Variants in NSRP1 observed in about 807,000 individuals in gnomAD.
NSRP1 encodes coiled-coil domain containing 55.
Under a neutral mutation model 54.7 loss-of-function variants are expected in NSRP1, and 24 were observed. The observed-to-expected ratio is 0.44, with a 90% CI of 0.32 to 0.62. The LOEUF (loss-of-function observed/expected upper bound fraction) is 0.62, where lower values mean the gene tolerates loss of function less well. Among genes scored for constraint, NSRP1 ranks in the 20% least tolerant of loss-of-function variants. The pLI, the probability that NSRP1 is intolerant of heterozygous loss-of-function variation, is 0.06. For synonymous variants in NSRP1, 210 were observed against 213.8 expected (o/e 0.98, Z 0.15); for missense variants, 596 against 651.2 (o/e 0.92, Z 0.92).
At chr17:30,155,805 A>G (rs2071956449) in intron 2 of NSRP1, among the ~76,000 whole-genome samples, 1 of 152,066 alleles carries the variant, frequency 6.6e-6, no homozygotes, top group Admixed American at 6.5e-5. Flanking sequence ...AGCTATATCC[A>G]TTCATTCATT....
chr17:30,170,575 G>A (rs1241399851), intron 2 of NSRP1, among the ~76,000 whole-genome samples: 4 of 151,984 alleles, frequency 2.6e-5, no homozygotes, highest in Non-Finnish European at 5.9e-5. Context: ...GTAGCATAAT[G>A]TCCTCCAGGC....
At chr17:30,141,324 G>A (rs952518438) in intron 2 of NSRP1, among the ~76,000 whole-genome samples, 3 of 151,980 alleles carry the variant, frequency 2.0e-5, no homozygotes, top group African/African-American at 7.2e-5. Flanking sequence ...TTTATTTAGT[G>A]ACCACATTGT....
chr17:30,164,815 A>T (rs1040938005), intron 2 of NSRP1, among the ~76,000 whole-genome samples: 7 of 152,088 alleles, frequency 4.6e-5, no homozygotes, highest in African/African-American at 1.7e-4. Flanking sequence ...AAGAGAAAAG[A>T]AGCCAGTTTT....
At chr17:30,139,747 G>A (rs1044522984) in intron 2 of NSRP1, among the ~76,000 whole-genome samples, 8 of 152,124 alleles carry the variant, frequency 5.3e-5, no homozygotes, top group Admixed American at 3.9e-4. Context: ...ATTTGAGGCC[G>A]GGCATGGTGG....
At chr17:30,156,459 A>G (rs1288602084) in intron 2 of NSRP1, 2 of 151,214 alleles carry the variant, frequency 1.3e-5, no homozygotes, top group Non-Finnish European at 2.9e-5. Flanking sequence ...TGTCTGGCTT[A>G]TGTTACTAAA....
At chr17:30,164,878 A>T (rs1904673839) in intron 2 of NSRP1, among the ~76,000 whole-genome samples, 1 of 152,184 alleles carries the variant, frequency 6.6e-6, no homozygotes, top group Non-Finnish European at 1.5e-5. Flanking sequence ...CATAGAATTA[A>T]AATAATTGTC....
intron 2 of NSRP1, among the ~76,000 whole-genome samples, chr17:30,132,777 C>T (rs2071713151): frequency 6.6e-6 from 1 of 152,186 alleles, no homozygotes; most frequent in African/African-American, 2.4e-5. Context: ...GAGTTGGAAT[C>T]AGCTTCTTCC....
intron 2 of NSRP1, among the ~76,000 whole-genome samples, chr17:30,121,637 C>CACTGCA (rs2071598622): frequency 6.7e-6 from 1 of 148,846 alleles, no homozygotes; most frequent in East Asian, 2.0e-4. Context: ...GATCTCGGCT[C>CACTGCA]ACTGCAACTG....
rs1041848278 is a variant in NSRP1 at position 30,186,006 on chromosome 17, G to T, written c.*332G>T. 3 of 166,984 alleles carry T rather than the reference G, an allele frequency of 1.8e-5. No homozygotes were observed. Among genetic ancestry groups the T allele is most frequent in the Non-Finnish European group, 3.8e-5 (3 of 78,560 alleles). The allele number at this position is 166,984 out of a possible 1,614,324, so 10.3% of individuals were successfully genotyped here. On this transcript the variant is annotated 3_prime_UTR_variant, in exon 7 of 7. Transcript: ENST00000247026. ...TAATTTTGGCCAGATACGGTAGCTC[G>T]TGCCTGTAATACCAACATTTTGGGA...
At chr17:30,136,250 C>A (rs935717098) in intron 2 of NSRP1, among the ~76,000 whole-genome samples, 2 of 152,092 alleles carry the variant, frequency 1.3e-5, no homozygotes, top group African/African-American at 2.4e-5. Context: ...CATAAAATGG[C>A]TCATTTATTA....
chr17:30,183,175 A>G (rs925243317), intron 6 of NSRP1, among the ~76,000 whole-genome samples: 2 of 151,748 alleles, frequency 1.3e-5, no homozygotes, highest in Admixed American at 6.6e-5. Context: ...TGAGATGATT[A>G]TGCCATAATT....
At chr17:30,144,490 A>G (rs1455417229) in intron 2 of NSRP1, 4 of 151,764 alleles carry the variant, frequency 2.6e-5, no homozygotes, top group Non-Finnish European at 4.4e-5. Flanking sequence ...CAAACTCCTG[A>G]CCTCAGGTGA....
At chr17:30,142,915 A>C (rs1017337011) in intron 2 of NSRP1, among the ~76,000 whole-genome samples, 1 of 152,174 alleles carries the variant, frequency 6.6e-6, no homozygotes, top group African/African-American at 2.4e-5. Flanking sequence ...TATGTCCATA[A>C]TTACATTTTT....
intron 3 of NSRP1, among the ~76,000 whole-genome samples, chr17:30,174,924 C>G (rs1905077038): frequency 6.6e-6 from 1 of 152,160 alleles, no homozygotes; most frequent in African/African-American, 2.4e-5. Flanking sequence ...ATAAGTGAGA[C>G]TGGGCAGAAT....
At chr17:30,122,122 C>G in intron 2 of NSRP1, among the ~76,000 whole-genome samples, 1 of 151,758 alleles carries the variant, frequency 6.6e-6, no homozygotes, top group East Asian at 1.9e-4. Context: ...TGTAACGTGT[C>G]AGTACTCTTT....
At chr17:30,140,927 A>G (rs2071799332) in intron 2 of NSRP1, among the ~76,000 whole-genome samples, 1 of 151,926 alleles carries the variant, frequency 6.6e-6, no homozygotes, top group Admixed American at 6.6e-5. Context: ...TAATCCTCCC[A>G]CCTCAACCTC....
intron 3 of NSRP1, among the ~76,000 whole-genome samples, chr17:30,174,874 G>A (rs370449393): frequency 4.6e-5 from 7 of 152,154 alleles, no homozygotes; most frequent in East Asian, 1.9e-4. Flanking sequence ...GCTTACTAAA[G>A]CTTCATTAAG....
intron 2 of NSRP1, among the ~76,000 whole-genome samples, chr17:30,155,291 C>T (rs2071951123): frequency 6.6e-6 from 1 of 152,050 alleles, no homozygotes; most frequent in African/African-American, 2.4e-5. Context: ...TTGTTGGAAA[C>T]TCTTAGAATT....
At chr17:30,159,529 G>A (rs1487671368) in intron 2 of NSRP1, among the ~76,000 whole-genome samples, 2 of 152,102 alleles carry the variant, frequency 1.3e-5, no homozygotes, top group Non-Finnish European at 2.9e-5. Context: ...GTGAAAGTGG[G>A]CATCCTTGTC....
Sources: allele counts gnomAD v4.1 joint callset (sites outside exome capture counted in the v4.1 genomes callset), GRCh38; gene constraint gnomAD v4.1.1; transcripts MANE v1.5; gene names NCBI Gene and HGNC (gene_info 2026-07-23, HGNC 2026-07-21).